Variants in IRX4 observed in about 807,000 individuals in gnomAD.
IRX4 encodes iroquois-class homeodomain protein IRX-4.
A neutral mutation model predicts 32.0 loss-of-function variants in IRX4; 22 were observed. That is an observed-to-expected ratio of 0.69 (90% CI 0.49 to 0.98). IRX4 has a LOEUF of 0.98. Ranked by LOEUF, IRX4 falls within the 50% of genes least tolerant of loss-of-function variation. IRX4 has a pLI of 0.00. For missense variants in IRX4, 840 were observed against 744.2 expected (o/e 1.13, Z -1.50); for synonymous variants, 379 against 351.7 (o/e 1.08, Z -0.87).
In IRX4 at chr5:1,882,024, G is replaced by A. The variant is rs1164690146; in HGVS notation, c.81C>T (p.Cys27=). The change falls in exon 2 of 5, where the codon TGC becomes TGT. Residue 27 remains cysteine (C), a synonymous_variant. Coordinates refer to ENST00000231357, the MANE Select transcript of IRX4 (RefSeq NM_016358.3). ...LMATNSLSTC[C]ESGGRTLADS... ...CCGCCAGCGTGCGGCCTCCGGACTC[G>A]CAGCACGTGCTCAGGGAGTTGGTGG... The A allele has an allele frequency of 7.1e-6, 11 of 1,549,304 alleles. No individual in the cohort carries two copies. The highest frequency in any genetic ancestry group is 9.6e-6 in the Non-Finnish European group (11 of 1,147,602).
chr5:1,880,288 T>G, intron 3 of IRX4: 1 of 673,794 alleles, frequency 1.5e-6, no homozygotes, highest in Non-Finnish European at 2.5e-6. Context: ...GTGGTTGCAT[T>G]GAGGAAAGTG....
chr5:1,884,597 T>C (rs1735569491), upstream of IRX4: 1 of 152,258 alleles, frequency 6.6e-6, no homozygotes, highest in East Asian at 1.9e-4. Context: ...TCAGACAGTT[T>C]AGCGTCGGTA....
Position 1,882,675 on chromosome 5 carries a change from G to A in IRX4, c.-28C>T. 7.4e-7 allele frequency: 1 copy of A among 1,349,546 alleles called. No homozygotes were observed. The highest frequency in any genetic ancestry group is 9.6e-7 in the Non-Finnish European group (1 of 1,041,208). 83.6% of individuals were successfully genotyped at this position (1,349,546 alleles called of 1,614,324 possible). ...CGGGCGCGGCCCGGGGCGGACGGGC[G>A]GGGCCTGCAGGGTTCTGCGCGCTGG... On this transcript the variant is annotated 5_prime_UTR_variant, in exon 1 of 5. Transcript: ENST00000231357.
At position 1,879,384 on chromosome 5, in the gene IRX4, C is replaced by T. The variant is rs1040663631; in HGVS notation, c.736+120G>A. 1.1e-5 allele frequency: 16 copies of T among 1,504,988 alleles called. No individual in the cohort carries two copies. The African/African-American group carries it at 1.8e-4, about 17-fold the overall frequency. The allele number at this position is 1,504,988 out of a possible 1,614,324, so 93.2% of individuals were successfully genotyped here. A position where few individuals can be genotyped will look rare whatever the true frequency, so the allele number is the denominator to read the frequency against. ...TAGCCTGAGGCAGAACCGGTTTGCA[C>T]GGTGACCGCCTAGGCATGGGGCTCG... On this transcript the variant is annotated intron_variant, in intron 4 of 4. Coordinates refer to ENST00000231357, the MANE Select transcript of IRX4 (RefSeq NM_016358.3).
In IRX4 at chr5:1,878,353, C is replaced by A. The variant is rs1735284357; in HGVS notation, c.1176G>T (p.Ser392=). The change falls in exon 5 of 5, where the codon TCG becomes TCT. Residue 392 remains serine (S), a synonymous_variant. Coordinates refer to ENST00000231357, the MANE Select transcript of IRX4 (RefSeq NM_016358.3). ...ATSLSQTEFP[S]CMLKRQGPAA... ...CGGGACCTTGGCGCTTGAGCATGCA[C>A]GACGGAAACTCAGTCTGGCTCAGGG... 1 of 1,541,052 alleles carries A rather than the reference C, an allele frequency of 6.5e-7. No homozygotes were observed. Among genetic ancestry groups the A allele is most frequent in the East Asian group, 2.4e-5 (1 of 41,102 alleles).
At chr5:1,883,629 G>C (rs1327926295), upstream of IRX4, among the ~76,000 whole-genome samples, 3 of 152,254 alleles carry the variant, frequency 2.0e-5, no homozygotes, top group Non-Finnish European at 4.4e-5. Context: ...CCCCGGGCGT[G>C]CGCCCACCGG....
intron 2 of IRX4, 128 bp downstream of exon 2, chr5:1,881,680 G>A: frequency 3.4e-6 from 4 of 1,189,656 alleles, no homozygotes; most frequent in Non-Finnish European, 4.8e-6. Flanking sequence ...AAAGTTGAAG[G>A]CAGCCAAGGT....
chr5:1,882,812 G>C lies in IRX4; in HGVS notation c.-165C>G, dbSNP rs1037403228. The C allele has an allele frequency of 7.2e-6, 3 of 418,840 alleles. No individual in the cohort carries two copies. The highest frequency in any genetic ancestry group is 4.4e-5 in the Admixed American group (1 of 22,640). 25.9% of individuals were successfully genotyped at this position (418,840 alleles called of 1,614,324 possible). ...GCGCTCCGCAAACTTTTCTAACCGG[G>C]TAACAAAGTGAGCAGCGGTGGCCGC... is the stretch of plus-strand genomic sequence containing the variant. On this transcript the variant is annotated 5_prime_UTR_variant, in exon 1 of 5. Transcript: ENST00000231357.
Position 1,878,020 on chromosome 5 carries a change from G to T in IRX4, c.1509C>A (p.Ala503=). The T allele has an allele frequency of 6.6e-7, 1 of 1,507,966 alleles. No individual in the cohort carries two copies. 93.4% of individuals were successfully genotyped at this position (1,507,966 alleles called of 1,614,324 possible). Residue 503 remains alanine, a synonymous_variant, in exon 5 of 5, where the codon GCC becomes GCA. Transcript: ENST00000231357. ...CCTTGGGCAGGGCGAGCAGCTCCCT[G>T]GCGGCGCCTGCAGCTGGGGCGTCCT... The part of the protein sequence containing the change: ...VPQDAPAAGA[A]RELLALPKAG...
At chr5:1,878,969 C>A (rs569498486) in intron 4 of IRX4, among the ~76,000 whole-genome samples, 177 bp from the exon 5 acceptor site, 2 of 151,874 alleles carry the variant, frequency 1.3e-5, no homozygotes, top group East Asian at 3.9e-4. Flanking sequence ...AACACAGGGG[C>A]CTCCAATGGG....
intron 2 of IRX4, among the ~76,000 whole-genome samples, chr5:1,881,252 G>A (rs1735425049): frequency 6.8e-6 from 1 of 147,416 alleles, no homozygotes; most frequent in Non-Finnish European, 1.5e-5. Context: ...GAAAGGGGAG[G>A]GGCTGCTGAG....
Position 1,877,702 on chromosome 5 carries a change from A to T in IRX4, c.*267T>A, listed in dbSNP as rs1735245315. On this transcript the variant is annotated 3_prime_UTR_variant, in exon 5 of 5. Coordinates refer to ENST00000231357, the MANE Select transcript of IRX4 (RefSeq NM_016358.3). ...TGACGTAAACTTTATGCTTCAGGGT[A>T]TCTGGCCTCTTCTGCTCCGAGAGCC... 6.2e-6 allele frequency: 3 copies of T among 485,346 alleles called. No individual in the cohort carries two copies. The South Asian group carries it at 9.8e-5, about 16-fold the overall frequency. The allele number at this position is 485,346 out of a possible 1,614,324, so 30.1% of individuals were successfully genotyped here. A position where few individuals can be genotyped will look rare whatever the true frequency, so the allele number is the denominator to read the frequency against.
chr5:1,879,791 G>T lies in IRX4; in HGVS notation c.449C>A (p.Thr150Lys). The T allele has an allele frequency of 6.2e-7, 1 of 1,614,120 alleles. No individual in the cohort carries two copies. The highest frequency in any genetic ancestry group is 1.3e-5 in the African/African-American group (1 of 75,082). ...CTTGAGCGTGCTGGTGGTCTCGCGCGTGGCGTTCTTGCGCCGCGTGCCGCT... is the reference window on the plus strand; with the variant it reads ...CTTGAGCGTGCTGGTGGTCTCGCGCTTGGCGTTCTTGCGCCGCGTGCCGCT... ...MDSGTRRKNATRETTSTLKAW... is the reference protein window; with the variant it reads ...MDSGTRRKNAKRETTSTLKAW... Residue 150 changes from threonine to lysine, a missense_variant, in exon 4 of 5, where the codon ACG becomes AAG. Thr to Lys is a moderately conservative substitution (Grantham distance 78). Transcript: ENST00000231357.
At position 1,878,457 on chromosome 5, in the gene IRX4, C is replaced by A; in HGVS notation, c.1072G>T (p.Ala358Ser). 2.1e-6 allele frequency: 3 copies of A among 1,456,382 alleles called. No individual in the cohort carries two copies. The highest frequency in any genetic ancestry group is 2.7e-6 in the Non-Finnish European group (3 of 1,110,028). 90.2% of individuals were successfully genotyped at this position (1,456,382 alleles called of 1,614,324 possible). A position where few individuals can be genotyped will look rare whatever the true frequency, so the allele number is the denominator to read the frequency against. The change falls in exon 5 of 5, where the codon GCG becomes TCG. Residue 358 changes from alanine (A) to serine (S), a missense_variant. This residue lies in a region of IRX4 where 585 missense variants were observed against 488.0 expected (regional missense o/e 1.20). Transcript: ENST00000231357. ...EAKLGFVPAGASAGLEAKPRI... is the reference protein window; with the variant it reads ...EAKLGFVPAGSSAGLEAKPRI... ...GGCTTAGCCTCCAGGCCTGCCGACG[C>A]CCCCGCCGGCACAAACCCCAGCTTG...
At chr5:1,881,723 C>A (rs975828831) in intron 2 of IRX4, 85 bp downstream of exon 2, 4 of 1,507,398 alleles carry the variant, frequency 2.7e-6, no homozygotes, top group South Asian at 1.2e-5. Context: ...TCCGGGGACC[C>A]GGACTGGCGC....
At position 1,879,592 on chromosome 5, in the gene IRX4, G is replaced by A. The variant is rs778606713; in HGVS notation, c.648C>T (p.Asp216=). 1.9e-6 allele frequency: 3 copies of A among 1,613,910 alleles called. No individual in the cohort carries two copies. The highest frequency in any genetic ancestry group is 2.2e-5 in the East Asian group (1 of 44,876). The change falls in exon 4 of 5, where the codon GAC becomes GAT. Residue 216 remains aspartate (D), a synonymous_variant. Transcript: ENST00000231357. ...CGCCCTCCGCGTAGGGCCGCTTCTC[G>A]TCTGCGCACTTGTTCCGCGGCGGCC... The part of the protein sequence containing the change: ...MTWPPRNKCA[D]EKRPYAEGEE...
At chr5:1,879,355 T>C (rs944867620) in intron 4 of IRX4, 149 bp downstream of exon 4, 3 of 1,264,712 alleles carry the variant, frequency 2.4e-6, no homozygotes, top group East Asian at 2.3e-5. Context: ...AGTCCCCACA[T>C]TGGTAGCCTG....
chr5:1,878,344 G>C lies in IRX4; in HGVS notation c.1185C>G (p.Leu395=). 1.9e-6 allele frequency: 3 copies of C among 1,543,910 alleles called. No homozygotes were observed. The highest frequency in any genetic ancestry group is 1.2e-5 in the South Asian group (1 of 83,926). ...CAGGGGCCGCGGGACCTTGGCGCTTGAGCATGCACGACGGAAACTCAGTCT... is the reference window on the plus strand; with the variant it reads ...CAGGGGCCGCGGGACCTTGGCGCTTCAGCATGCACGACGGAAACTCAGTCT... ...LSQTEFPSCM[L]KRQGPAAPAA... is the part of the protein sequence containing the mutation. The change falls in exon 5 of 5, where the codon CTC becomes CTG. Residue 395 remains leucine, a synonymous_variant. Transcript: ENST00000231357.
At chr5:1,882,305 G>A (rs1043151655) in intron 1 of IRX4, among the ~76,000 whole-genome samples, 2 of 152,176 alleles carry the variant, frequency 1.3e-5, no homozygotes, top group African/African-American at 4.8e-5. Context: ...CGCCATTTGC[G>A]CGCCAAGCCT....
Sources: allele counts gnomAD v4.1 joint callset (sites outside exome capture counted in the v4.1 genomes callset), GRCh38; gene constraint gnomAD v4.1.1; regional missense constraint gnomAD v4.1.1; transcripts MANE v1.5; gene names NCBI Gene and HGNC (gene_info 2026-07-23, HGNC 2026-07-21).